Variants in ARHGAP28 observed in about 807,000 individuals in gnomAD.
The protein encoded by ARHGAP28 is rho GTPase-activating protein 28.
Under a neutral mutation model 90.7 loss-of-function variants are expected in ARHGAP28, and 56 were observed. That is an observed-to-expected ratio of 0.62 (90% confidence interval 0.50 to 0.77). The LOEUF (loss-of-function observed/expected upper bound fraction) is 0.77, where lower values mean the gene tolerates loss of function less well. Among genes scored for constraint, ARHGAP28 ranks in the 30% least tolerant of loss-of-function variants. The pLI is 0.00. For synonymous variants in ARHGAP28, 308 were observed against 323.3 expected (o/e 0.95, Z 0.51); for missense variants, 869 against 900.9 (o/e 0.96, Z 0.45).
chr18:6,891,269 G>A (rs939865559), intron 14 of ARHGAP28, among the ~76,000 whole-genome samples: 3 of 152,132 alleles, frequency 2.0e-5, no homozygotes, highest in South Asian at 2.1e-4. Context: ...GTGCTCTAGC[G>A]TGGGAGACTG....
At chr18:6,818,021 A>G (rs912745933) in intron 1 of ARHGAP28, among the ~76,000 whole-genome samples, 5 of 152,188 alleles carry the variant, frequency 3.3e-5, no homozygotes, top group African/African-American at 1.2e-4. Context: ...CTAGCTCTGG[A>G]CATGCTATCA....
intron 5 of ARHGAP28, among the ~76,000 whole-genome samples, chr18:6,867,429 T>C (rs767102190): frequency 6.6e-6 from 1 of 152,178 alleles, no homozygotes; most frequent in Non-Finnish European, 1.5e-5. Context: ...CATTAAAATT[T>C]ATAAGATTTG....
At chr18:6,861,956 T>G (rs564783268) in intron 5 of ARHGAP28, among the ~76,000 whole-genome samples, 1 of 152,260 alleles carries the variant, frequency 6.6e-6, no homozygotes, top group Admixed American at 6.5e-5. Flanking sequence ...TTATTTTCAT[T>G]TTGTTTTTTT....
rs2056766277 is a variant in ARHGAP28, at chr18:6,837,831, G to GC, written c.543+419dup. Among the ~76,000 whole-genome samples, 3 of 152,224 alleles carry GC rather than the reference G, an allele frequency of 2.0e-5. No individual in the cohort carries two copies. In the South Asian group the frequency reaches 6.2e-4, roughly 32 times the overall value. Reference sequence around the variant, plus strand: ...TGGGGATGAGAGATTGGGTAGGGTAGCCTTTATGTTCAGATAAATTAAAAT... The same window carrying GC: ...TGGGGATGAGAGATTGGGTAGGGTAGCCCTTTATGTTCAGATAAATTAAAAT... On this transcript the variant is annotated intron_variant, in intron 3 of 17. Transcript: ENST00000383472.
At chr18:6,744,060 C>G (rs1042994623) in intron 1 of ARHGAP28, among the ~76,000 whole-genome samples, 17 of 152,060 alleles carry the variant, frequency 1.1e-4, no homozygotes, top group Non-Finnish European at 4.4e-5. Context: ...ATAAGATACT[C>G]TGGGAAAGCA....
intron 10 of ARHGAP28, among the ~76,000 whole-genome samples, chr18:6,880,854 A>G (rs1241034125): frequency 6.6e-6 from 1 of 152,234 alleles, no homozygotes; most frequent in African/African-American, 2.4e-5. Flanking sequence ...ACTAGATTAC[A>G]GGACACCGAA....
chr18:6,790,066 TG>T (rs2056396217), intron 1 of ARHGAP28: 2 of 152,194 alleles, frequency 1.3e-5, no homozygotes, highest in African/African-American at 2.4e-5. Flanking sequence ...CTCAAACTCC[TG>T]ACCTCAGGTG....
intron 1 of ARHGAP28, among the ~76,000 whole-genome samples, chr18:6,768,356 T>C (rs772799764): frequency 6.6e-6 from 1 of 152,192 alleles, no homozygotes; most frequent in African/African-American, 2.4e-5. Flanking sequence ...ATTTTGTTGT[T>C]GTTGTTCAGT....
intron 2 of ARHGAP28, among the ~76,000 whole-genome samples, chr18:6,828,345 G>C (rs1270870834): frequency 6.6e-6 from 1 of 152,096 alleles, no homozygotes; most frequent in East Asian, 1.9e-4. Context: ...ACCGTGGAAA[G>C]AGAGGGAGAG....
rs189121488 is a variant in ARHGAP28, at chr18:6,855,925, G to A, written c.637-3883G>A. 8.5e-5 allele frequency among the ~76,000 whole-genome samples: 13 copies of A among 152,326 alleles called. No homozygotes were observed. The East Asian group carries it at 2.5e-3, about 29-fold the overall frequency. ...CGTGCCTGGCTCTGTGCTGTGGCTG[G>A]ACCCTGCGCTTGCTCACACACCCCT... is the stretch of plus-strand genomic sequence containing the variant. On this transcript the variant is annotated intron_variant, in intron 4 of 17. Coordinates refer to ENST00000383472, the MANE Select transcript of ARHGAP28 (RefSeq NM_001366230.1).
At position 6,873,681 on chromosome 18, in the gene ARHGAP28, A is replaced by G. The variant is rs372649010; in HGVS notation, c.1121-3A>G. On this transcript the variant is annotated splice_region_variant and splice_polypyrimidine_tract_variant and intron_variant, in intron 8 of 17. Coordinates refer to ENST00000383472, the MANE Select transcript of ARHGAP28 (RefSeq NM_001366230.1). The stretch of plus-strand genomic sequence containing the variant: ...TTTCCCCCTTTACTGTCTCACAATG[A>G]AGACAATGGGATTTTTGGAGTTCCA... 32 of 1,613,226 alleles carry G rather than the reference A, an allele frequency of 2.0e-5. No individual in the cohort carries two copies. Among genetic ancestry groups the G allele is most frequent in the Non-Finnish European group, 1.8e-5 (21 of 1,179,514 alleles).
At chr18:6,828,521 T>C (rs1374186006) in intron 2 of ARHGAP28, among the ~76,000 whole-genome samples, 1 of 152,216 alleles carries the variant, frequency 6.6e-6, no homozygotes, top group African/African-American at 2.4e-5. Context: ...GAAGGATATT[T>C]CCTACATTTT....
At chr18:6,825,601 T>C (rs564840259) in intron 2 of ARHGAP28, among the ~76,000 whole-genome samples, 1 of 152,316 alleles carries the variant, frequency 6.6e-6, no homozygotes, top group Non-Finnish European at 1.5e-5. Context: ...CCCATTCCTC[T>C]TTCCCTACCT....
intron 1 of ARHGAP28, among the ~76,000 whole-genome samples, chr18:6,733,550 C>A (rs1401694710): frequency 6.6e-6 from 1 of 152,066 alleles, no homozygotes; most frequent in African/African-American, 2.4e-5. Flanking sequence ...CTACTTTTAT[C>A]TTTCAAAGTT....
At chr18:6,851,197 C>G in intron 4 of ARHGAP28, 71 bp downstream of exon 4, 1 of 1,428,538 alleles carries the variant, frequency 7.0e-7, no homozygotes, top group East Asian at 2.3e-5. Context: ...TTGAGCAAAA[C>G]TTGAAAAAAG....
intron 1 of ARHGAP28, among the ~76,000 whole-genome samples, chr18:6,747,888 C>T (rs1260699494): frequency 6.6e-6 from 1 of 152,190 alleles, no homozygotes; most frequent in Admixed American, 6.5e-5. Context: ...TTGGATGATC[C>T]AGCTGGGTAT....
At chr18:6,769,769 G>A (rs777257582) in intron 1 of ARHGAP28, among the ~76,000 whole-genome samples, 10 of 152,100 alleles carry the variant, frequency 6.6e-5, no homozygotes, top group East Asian at 1.9e-4. Context: ...GTCTATCTTC[G>A]TAGTTTATGA....
At chr18:6,802,327 T>C (rs912573106) in intron 1 of ARHGAP28, among the ~76,000 whole-genome samples, 2 of 145,306 alleles carry the variant, frequency 1.4e-5, no homozygotes, top group Non-Finnish European at 3.0e-5. Context: ...ATGGATCATA[T>C]GGTAGTTCTT....
At chr18:6,853,561 C>T (rs1302065253) in intron 4 of ARHGAP28, among the ~76,000 whole-genome samples, 6 of 152,056 alleles carry the variant, frequency 3.9e-5, no homozygotes, top group African/African-American at 1.4e-4. Context: ...CAACCTCCGC[C>T]TCCTGAGTTC....
Sources: allele counts gnomAD v4.1 joint callset (sites outside exome capture counted in the v4.1 genomes callset), GRCh38; gene constraint gnomAD v4.1.1; transcripts MANE v1.5; gene names NCBI Gene and HGNC (gene_info 2026-07-23, HGNC 2026-07-21).